The following PARP8 variants were observed in gnomAD, a reference collection of about 807,000 sequenced individuals.
PARP8 encodes protein mono-ADP-ribosyltransferase PARP8.
Under a neutral mutation model 124.1 loss-of-function variants are expected in PARP8, and 51 were observed. The observed-to-expected ratio is 0.41, with a 90% confidence interval of 0.33 to 0.52. PARP8 has a LOEUF of 0.52. Among genes scored for constraint, PARP8 ranks in the 20% least tolerant of loss-of-function variants. The probability of loss-of-function intolerance (pLI) is 0.21; values close to 1 mark genes in which losing one functional copy is unlikely to be tolerated. For missense variants in PARP8, 860 were observed against 1,018.9 expected (o/e 0.84, Z 2.12); for synonymous variants, 391 against 361.5 (o/e 1.08, Z -0.93).
At chr5:50,833,444 T>TA in intron 23 of PARP8, 3 of 453,070 alleles carry the variant, frequency 6.6e-6, no homozygotes, top group South Asian at 4.7e-5. Flanking sequence ...CTGGGAAAAT[T>TA]AAAAAATCAT....
At chr5:50,757,234 A>T in intron 3 of PARP8, 2 of 453,318 alleles carry the variant, frequency 4.4e-6, no homozygotes, top group Non-Finnish European at 8.9e-6. Flanking sequence ...GAAGAAATAG[A>T]TAAATTCCTA....
chr5:50,801,351 G>A (rs924679875), intron 14 of PARP8, among the ~76,000 whole-genome samples: 1 of 151,714 alleles, frequency 6.6e-6, no homozygotes, highest in Non-Finnish European at 1.5e-5. Flanking sequence ...CGCCCACCTC[G>A]GCCTTCCAAA....
intron 2 of PARP8, among the ~76,000 whole-genome samples, chr5:50,688,190 C>G (rs1048091357): frequency 6.6e-5 from 10 of 152,170 alleles, no homozygotes; most frequent in Non-Finnish European, 1.5e-4. Flanking sequence ...ACAATAACCA[C>G]AAAGCCGACC....
At chr5:50,788,446 A>C (rs1384887405) in intron 9 of PARP8, 77 bp from the exon 10 acceptor site, 1 of 1,361,980 alleles carries the variant, frequency 7.3e-7, no homozygotes. Flanking sequence ...ATATAATGCG[A>C]TTTCAACCTT....
chr5:50,833,941 C>A, intron 23 of PARP8, 38 bp from the exon 24 acceptor site: 1 of 1,547,302 alleles, frequency 6.5e-7, no homozygotes, highest in Non-Finnish European at 8.9e-7. Flanking sequence ...CAAAGTGTTT[C>A]ATTCTGACTC....
At position 50,843,019 on chromosome 5, in the gene PARP8, T is replaced by G. The variant is rs1397129951; in HGVS notation, c.*951T>G. 6.6e-6 allele frequency: 1 copy of G among 151,726 alleles called. No individual in the cohort carries two copies. The highest frequency in any genetic ancestry group is 1.5e-5 in the Non-Finnish European group (1 of 67,788). 9.4% of individuals were successfully genotyped at this position (151,726 alleles called of 1,614,324 possible). A position where few individuals can be genotyped will look rare whatever the true frequency, so the allele number is the denominator to read the frequency against. The stretch of plus-strand genomic sequence containing the variant: ...TTTACTACAAAAAAATTATACAATT[T>G]TATTTATGCCACACCAGCATTTTTA... On this transcript the variant is annotated 3_prime_UTR_variant, in exon 26 of 26. Transcript: ENST00000281631.
intron 2 of PARP8, among the ~76,000 whole-genome samples, chr5:50,729,498 T>C (rs1275909275): frequency 6.6e-6 from 1 of 152,152 alleles, no homozygotes; most frequent in Non-Finnish European, 1.5e-5. Flanking sequence ...CTAGGACAAA[T>C]TGATAGACCT....
At chr5:50,805,470 G>A (rs758598859) in intron 14 of PARP8, among the ~76,000 whole-genome samples, 15 of 151,894 alleles carry the variant, frequency 9.9e-5, no homozygotes, top group African/African-American at 2.2e-4. Context: ...AACACCACCC[G>A]GAAAATATAG....
At chr5:50,766,339 A>G (rs1761058539) in intron 7 of PARP8, among the ~76,000 whole-genome samples, 1 of 152,206 alleles carries the variant, frequency 6.6e-6, no homozygotes, top group African/African-American at 2.4e-5. Flanking sequence ...ATCTTGAATC[A>G]TTCAACAAAA....
At chr5:50,701,692 A>C (rs1454444803) in intron 2 of PARP8, among the ~76,000 whole-genome samples, 1 of 152,158 alleles carries the variant, frequency 6.6e-6, no homozygotes, top group East Asian at 1.9e-4. Flanking sequence ...GTGTTGATTA[A>C]TATATCCAAA....
intron 2 of PARP8, among the ~76,000 whole-genome samples, chr5:50,699,654 A>T (rs2149473237): frequency 6.6e-6 from 1 of 152,274 alleles, no homozygotes; most frequent in East Asian, 1.9e-4. Flanking sequence ...ATTGAAACAC[A>T]AGTGTGCTCT....
chr5:50,728,098 A>G (rs111893600), intron 2 of PARP8, among the ~76,000 whole-genome samples: 4 of 152,282 alleles, frequency 2.6e-5, no homozygotes, highest in African/African-American at 9.6e-5. Context: ...AATTCTTGCC[A>G]GTGCCGAGAC....
At chr5:50,747,163 G>GTTTTTTTTTTTTTTTTTTTTTTTGT (rs1211253892) in intron 2 of PARP8, among the ~76,000 whole-genome samples, 2 of 95,504 alleles carry the variant, frequency 2.1e-5, no homozygotes, top group African/African-American at 4.1e-5. Context: ...TGTTTGTTTT[G>GTTTTTTTTTTTTTTTTTTTTTTTGT]TTTTTTTTTT....
intron 2 of PARP8, among the ~76,000 whole-genome samples, chr5:50,746,281 G>T (rs1460283887): frequency 6.6e-6 from 1 of 152,168 alleles, no homozygotes; most frequent in African/African-American, 2.4e-5. Flanking sequence ...CTTGGGTGAA[G>T]GGAGATGGAT....
rs79046463 is a variant in PARP8 at position 50,805,244 on chromosome 5, A to C, written c.1575+8011A>C. On this transcript the variant is annotated intron_variant, in intron 14 of 25. Transcript: ENST00000281631. ...CCAGCTTTTGAGTTAAGAAATAATA[A>C]AATATAGATAAATATGAAAATAATG... Among the ~76,000 whole-genome samples the C allele has an allele frequency of 3.7e-3, 565 of 152,252 alleles. 1 individual carries two copies. Among genetic ancestry groups the C allele is most frequent in the African/African-American group, 0.013 (521 of 41,566 alleles).
intron 10 of PARP8, 55 bp downstream of exon 10, chr5:50,788,644 A>G: frequency 7.1e-7 from 1 of 1,410,684 alleles, no homozygotes; most frequent in African/African-American, 1.6e-5. Flanking sequence ...CTGAGTTCTC[A>G]TTTTGTTCAT....
intron 25 of PARP8, among the ~76,000 whole-genome samples, chr5:50,839,296 C>T (rs953933764): frequency 1.1e-4 from 17 of 151,876 alleles, no homozygotes; most frequent in Admixed American, 3.3e-4. Context: ...TACCAAAACC[C>T]AGTCCAATGT....
intron 10 of PARP8, among the ~76,000 whole-genome samples, chr5:50,792,562 A>AT (rs1446434949): frequency 2.0e-5 from 3 of 152,002 alleles, no homozygotes; most frequent in Admixed American, 6.6e-5. Context: ...AGGAGTAGCA[A>AT]TTTTTTATGG....
At position 50,824,821 on chromosome 5, in the gene PARP8, G is replaced by T; in HGVS notation, c.1861-87G>T. ...AAATTTTTAAGTCTTACTAGATTAG[G>T]CATATCGTTTGGTCTGATTTTCCTT... is the stretch of plus-strand genomic sequence containing the variant. On this transcript the variant is annotated intron_variant, in intron 17 of 25. Transcript: ENST00000281631. The T allele has an allele frequency of 3.1e-6, 3 of 981,680 alleles. No individual in the cohort carries two copies. In the Admixed American group the frequency reaches 5.3e-5, roughly 17 times the overall value. 60.8% of individuals were successfully genotyped at this position (981,680 alleles called of 1,614,324 possible). A position where few individuals can be genotyped will look rare whatever the true frequency, so the allele number is the denominator to read the frequency against.
Sources: gnomAD v4.1 joint callset for allele counts (sites outside exome capture counted in the v4.1 genomes callset) on GRCh38, gnomAD v4.1.1 for gene constraint, MANE v1.5 for transcripts, NCBI Gene and HGNC (gene_info 2026-07-23, HGNC 2026-07-21) for gene names.